The following KHDRBS3 variants were observed in gnomAD, a reference collection of about 807,000 sequenced individuals.
The protein encoded by KHDRBS3 is KH domain-containing, RNA-binding, signal transduction-associated protein 3.
KHDRBS3 carries 23 observed loss-of-function variants against 45.6 expected under a neutral mutation model. The ratio of observed to expected loss-of-function variants is 0.50; its 90% CI spans 0.36 to 0.72. The LOEUF is 0.72. Among genes scored for constraint, KHDRBS3 ranks in the 30% least tolerant of loss-of-function variants. The pLI is 0.00. For synonymous variants in KHDRBS3, 162 were observed against 156.5 expected (o/e 1.04, Z -0.26); for missense variants, 352 against 424.8 (o/e 0.83, Z 1.51).
At chr8:135,511,353 A>T (rs1479509891) in intron 1 of KHDRBS3, among the ~76,000 whole-genome samples, 1 of 152,188 alleles carries the variant, frequency 6.6e-6, no homozygotes, top group East Asian at 1.9e-4. Flanking sequence ...TTTGTTAATT[A>T]GCCATGATGG....
intron 1 of KHDRBS3, among the ~76,000 whole-genome samples, chr8:135,485,535 A>C (rs530246577): frequency 6.6e-6 from 1 of 151,984 alleles, no homozygotes; most frequent in East Asian, 1.9e-4. Context: ...CTGGATATTC[A>C]TTTTTCCATT....
At chr8:135,463,973 C>A (rs1226877846) in intron 1 of KHDRBS3, among the ~76,000 whole-genome samples, 2 of 152,130 alleles carry the variant, frequency 1.3e-5, no homozygotes, top group Non-Finnish European at 2.9e-5. Context: ...CAAGATCTTG[C>A]AAGGTAGGAG....
intron 6 of KHDRBS3, among the ~76,000 whole-genome samples, chr8:135,603,996 A>C (rs1829336966): frequency 6.6e-6 from 1 of 151,924 alleles, no homozygotes; most frequent in African/African-American, 2.4e-5. Context: ...TATTACTGAA[A>C]GTGTGTTGAT....
chr8:135,618,922 T>C (rs1004341287), intron 7 of KHDRBS3, among the ~76,000 whole-genome samples: 1 of 152,216 alleles, frequency 6.6e-6, no homozygotes, highest in Non-Finnish European at 1.5e-5. Flanking sequence ...TTGCTGGTGC[T>C]CTGTAAGTAG....
intron 8 of KHDRBS3, among the ~76,000 whole-genome samples, chr8:135,646,052 A>G (rs895950370): frequency 8.6e-6 from 1 of 115,766 alleles, no homozygotes; most frequent in Non-Finnish European, 1.6e-5. Flanking sequence ...TAAGAGAAAT[A>G]TGTTGGTTTG....
rs201017593 is a variant in KHDRBS3, at chr8:135,582,063, A to G, written c.797A>G (p.Tyr266Cys). The change falls in exon 6 of 9, where the codon TAT (tyrosine) becomes TGT (cysteine). Residue 266 changes from tyrosine (Y) to cysteine (C), a missense_variant. Physicochemically the swap from Tyr to Cys is radical, Grantham distance 194. This residue lies in a region of KHDRBS3 where 212 missense variants were observed against 209.6 expected (regional missense o/e 1.01). Transcript: ENST00000355849. Reference sequence around the variant, plus strand: ...CCGCCACCCCCGACACAAGAGACTTATGGAGAATATGTAAGTGAAGGTGTC... The same window carrying G: ...CCGCCACCCCCGACACAAGAGACTTGTGGAGAATATGTAAGTGAAGGTGTC... ...PPPPPPTQETYGEYDYDDGYG... is the reference protein window; with the variant it reads ...PPPPPPTQETCGEYDYDDGYG... 5.1e-6 allele frequency: 8 copies of G among 1,557,694 alleles called. No homozygotes were observed. In the East Asian group the frequency reaches 1.6e-4, roughly 32 times the overall value.
intron 1 of KHDRBS3, among the ~76,000 whole-genome samples, chr8:135,518,127 T>A (rs1247540860): frequency 6.6e-6 from 1 of 152,162 alleles, no homozygotes; most frequent in African/African-American, 2.4e-5. Flanking sequence ...ATATTGTACA[T>A]CTGGTGTGAG....
chr8:135,631,208 G>A (rs540798756), intron 7 of KHDRBS3, among the ~76,000 whole-genome samples: 123 of 120,018 alleles, frequency 1.0e-3, no homozygotes, highest in Non-Finnish European at 1.5e-3. Context: ...CTGAGATCGC[G>A]ACACTGCACT....
intron 6 of KHDRBS3, among the ~76,000 whole-genome samples, chr8:135,582,313 G>A (rs1011892221): frequency 6.6e-6 from 1 of 152,108 alleles, no homozygotes; most frequent in East Asian, 1.9e-4. Flanking sequence ...TTGGGTGGTG[G>A]GGAGGTGTAA....
chr8:135,573,638 G>A (rs1390918017), intron 5 of KHDRBS3, among the ~76,000 whole-genome samples: 1 of 152,202 alleles, frequency 6.6e-6, no homozygotes, highest in Non-Finnish European at 1.5e-5. Flanking sequence ...AACCCAAAGT[G>A]TATGCTTTTT....
intron 4 of KHDRBS3, among the ~76,000 whole-genome samples, chr8:135,551,948 T>C (rs1294539669): frequency 6.6e-6 from 1 of 152,214 alleles, no homozygotes; most frequent in Non-Finnish European, 1.5e-5. Context: ...TTTTGTTTTT[T>C]GTTTCTCCAG....
intron 1 of KHDRBS3, among the ~76,000 whole-genome samples, chr8:135,476,208 A>G (rs1056292838): frequency 1.3e-5 from 2 of 151,916 alleles, no homozygotes; most frequent in African/African-American, 2.4e-5. Context: ...CAGTGGTGCA[A>G]TCTTGGCTCA....
At chr8:135,459,618 A>T (rs1051725080) in intron 1 of KHDRBS3, among the ~76,000 whole-genome samples, 1 of 152,220 alleles carries the variant, frequency 6.6e-6, no homozygotes, top group Admixed American at 6.5e-5. Flanking sequence ...CTGTGGACTC[A>T]AGTGCATTTT....
At chr8:135,601,037 T>C (rs1370575019) in intron 6 of KHDRBS3, among the ~76,000 whole-genome samples, 5 of 152,194 alleles carry the variant, frequency 3.3e-5, no homozygotes, top group Non-Finnish European at 7.3e-5. Context: ...TGTGACTTTA[T>C]ACTGCCAGGT....
chr8:135,487,363 A>C (rs1364591854), intron 1 of KHDRBS3, among the ~76,000 whole-genome samples: 4 of 152,216 alleles, frequency 2.6e-5, no homozygotes, highest in Admixed American at 2.6e-4. Flanking sequence ...GTTTCCTAGC[A>C]CATGGTGGGC....
chr8:135,497,182 C>T lies in KHDRBS3; in HGVS notation c.89-24055C>T, dbSNP rs1823496443. Reference sequence around the variant, plus strand: ...AGGCTTCACTCTTTTACAAGGCAGACTAGCCCTTAGAGCCCATTGGTATCG... The same window carrying T: ...AGGCTTCACTCTTTTACAAGGCAGATTAGCCCTTAGAGCCCATTGGTATCG... On this transcript the variant is annotated intron_variant, in intron 1 of 8. Transcript: ENST00000355849. Among the ~76,000 whole-genome samples the T allele has an allele frequency of 3.3e-5, 5 of 152,232 alleles. No individual in the cohort carries two copies. In the South Asian group the frequency reaches 8.3e-4, roughly 25 times the overall value.
Position 135,464,810 on chromosome 8 carries a change from G to A in KHDRBS3, c.88+6856G>A, listed in dbSNP as rs184268592. On this transcript the variant is annotated intron_variant, in intron 1 of 8. Transcript: ENST00000355849. ...CGAGGTCAGGAAGGTCACATAATTT[G>A]CCTAAGAACACATAGCTAGTAACTG... 4.3e-3 allele frequency among the ~76,000 whole-genome samples: 652 copies of A among 152,286 alleles called. 3 individuals carry two copies. Among genetic ancestry groups the A allele is most frequent in the Non-Finnish European group, 7.1e-3 (483 of 68,014 alleles).
At chr8:135,555,780 T>C (rs1687424523) in intron 4 of KHDRBS3, among the ~76,000 whole-genome samples, 1 of 152,188 alleles carries the variant, frequency 6.6e-6, no homozygotes, top group Non-Finnish European at 1.5e-5. Context: ...GGGTTACATG[T>C]GCAGAACGTG....
At chr8:135,585,937 T>A (rs1402450443) in intron 6 of KHDRBS3, among the ~76,000 whole-genome samples, 1 of 152,196 alleles carries the variant, frequency 6.6e-6, no homozygotes, top group East Asian at 1.9e-4. Flanking sequence ...GGAAGAAATA[T>A]GATAGTATTT....
Sources: gnomAD v4.1 joint callset for allele counts (sites outside exome capture counted in the v4.1 genomes callset) on GRCh38, gnomAD v4.1.1 for gene constraint, gnomAD v4.1.1 regional missense constraint, MANE v1.5 for transcripts, NCBI Gene and HGNC (gene_info 2026-07-23, HGNC 2026-07-21) for gene names.